Variants in SAMMSON observed in about 807,000 individuals in gnomAD.
SAMMSON encodes the protein survival associated mitochondrial melanoma specific oncogenic non-coding RNA.
intron 3 of SAMMSON, among the ~76,000 whole-genome samples, chr3:70,031,130 G>A (rs1019059909): frequency 1.3e-5 from 2 of 152,024 alleles, no homozygotes; most frequent in African/African-American, 2.4e-5. Context: ...GCCAAAAGGT[G>A]GAAACAACCT....
chr3:70,369,361 A>C (rs1702946612), intron 9 of SAMMSON, among the ~76,000 whole-genome samples: 1 of 151,762 alleles, frequency 6.6e-6, no homozygotes, highest in Non-Finnish European at 1.5e-5. Flanking sequence ...TCAGAAAATC[A>C]AAAAATTCTG....
At chr3:70,009,272 A>AC (rs2066943496) in intron 1 of SAMMSON, 1 of 147,004 alleles carries the variant, frequency 6.8e-6, no homozygotes, top group African/African-American at 2.6e-5. Context: ...CTGGTCCTGG[A>AC]CTTTTTTTGG....
chr3:70,203,421 A>T (rs62254845), intron 4 of SAMMSON, among the ~76,000 whole-genome samples: 31,423 of 152,080 alleles, frequency 0.21, 3,772 homozygotes, highest in Non-Finnish European at 0.28. Flanking sequence ...CTGGGGTATC[A>T]TCCCTGATGT....
intron 4 of SAMMSON, among the ~76,000 whole-genome samples, chr3:70,100,443 C>T (rs975729978): frequency 3.3e-5 from 5 of 151,858 alleles, no homozygotes; most frequent in Admixed American, 1.3e-4. Context: ...CCACCATACC[C>T]GGCCCATCAT....
chr3:70,081,648 G>A (rs1404077202), intron 4 of SAMMSON, among the ~76,000 whole-genome samples: 5 of 152,208 alleles, frequency 3.3e-5, no homozygotes, highest in African/African-American at 1.2e-4. Context: ...TATGGGCTCA[G>A]TATATATTTG....
chr3:70,403,642 T>A (rs1410380300), intron 2 of SAMMSON, among the ~76,000 whole-genome samples: 1 of 152,184 alleles, frequency 6.6e-6, no homozygotes, highest in Non-Finnish European at 1.5e-5. Context: ...AGTTGAGTGA[T>A]TGTGAGAGAC....
chr3:70,203,332 C>T (rs74798629), intron 4 of SAMMSON, among the ~76,000 whole-genome samples: 1 of 152,070 alleles, frequency 6.6e-6, no homozygotes, highest in Non-Finnish European at 1.5e-5. Context: ...GGTTCCCACT[C>T]CCCCACACTG....
intron 3 of SAMMSON, among the ~76,000 whole-genome samples, chr3:70,024,103 C>A (rs1346467656): frequency 6.6e-6 from 1 of 152,170 alleles, no homozygotes; most frequent in Non-Finnish European, 1.5e-5. Context: ...TGGGATTGCA[C>A]TCTCATTATT....
chr3:70,262,157 A>G (rs1387425320), intron 6 of SAMMSON, among the ~76,000 whole-genome samples: 1 of 152,190 alleles, frequency 6.6e-6, no homozygotes, highest in Admixed American at 6.5e-5. Context: ...CTCGGTAACA[A>G]TACTTTCAAT....
intron 7 of SAMMSON, among the ~76,000 whole-genome samples, chr3:70,348,856 G>A (rs946203448): frequency 6.6e-6 from 1 of 152,056 alleles, no homozygotes; most frequent in Non-Finnish European, 1.5e-5. Context: ...TCAGATGAAT[G>A]ATGTGATTCA....
At chr3:70,157,763 C>T (rs2067597512) in intron 4 of SAMMSON, among the ~76,000 whole-genome samples, 1 of 152,070 alleles carries the variant, frequency 6.6e-6, no homozygotes, top group Non-Finnish European at 1.5e-5. Context: ...ATGAACCCTG[C>T]CTCCTTTAAT....
rs4855458 is a variant in SAMMSON, at chr3:70,055,748, C to T, written n.418-15728C>T. 6.0e-3 allele frequency among the ~76,000 whole-genome samples: 911 copies of T among 152,122 alleles called. 43 individuals are homozygous for T. The highest frequency in any genetic ancestry group is 0.054 in the Admixed American group (830 of 15,248). On this transcript the variant is annotated intron_variant and non_coding_transcript_variant, in intron 3 of 9. Transcript: ENST00000642114. ...GTTGGAAAAAGGAGAGATTAATTTC[C>T]CTTTCAATTATTGTCACCTTGTTAC... is the stretch of plus-strand genomic sequence containing the variant.
intron 7 of SAMMSON, among the ~76,000 whole-genome samples, chr3:70,324,817 T>C (rs1702567201): frequency 6.6e-6 from 1 of 151,734 alleles, no homozygotes; most frequent in African/African-American, 2.4e-5. Context: ...GCGTAATGCA[T>C]CATGATATAT....
At chr3:70,110,447 A>AG (rs1405349918) in intron 4 of SAMMSON, among the ~76,000 whole-genome samples, 1 of 152,138 alleles carries the variant, frequency 6.6e-6, no homozygotes, top group African/African-American at 2.4e-5. Context: ...ATAAGGATGT[A>AG]GGGGGGTAGT....
chr3:70,222,486 T>A (rs1701469749), intron 4 of SAMMSON, among the ~76,000 whole-genome samples: 1 of 152,236 alleles, frequency 6.6e-6, no homozygotes, highest in Non-Finnish European at 1.5e-5. Context: ...TTGGATAGGT[T>A]GGTTTTCGGT....
intron 4 of SAMMSON, among the ~76,000 whole-genome samples, chr3:70,095,149 C>CTCAGTT (rs2067318887): frequency 6.6e-6 from 1 of 152,130 alleles, no homozygotes; most frequent in Non-Finnish European, 1.5e-5. Flanking sequence ...GGGTTCAGTC[C>CTCAGTT]TCAGTTTTCC....
chr3:70,222,555 C>T (rs974079011), intron 4 of SAMMSON, among the ~76,000 whole-genome samples: 3 of 152,006 alleles, frequency 2.0e-5, no homozygotes, highest in Non-Finnish European at 1.5e-5. Flanking sequence ...AAATTGAATT[C>T]CAAATAAATT....
intron 4 of SAMMSON, among the ~76,000 whole-genome samples, chr3:70,141,846 G>T (rs886630567): frequency 2.0e-5 from 3 of 152,076 alleles, no homozygotes; most frequent in African/African-American, 7.2e-5. Flanking sequence ...GATAAGTTCT[G>T]CATTAGAGTA....
At chr3:70,364,433 T>G (rs1267697858) in intron 9 of SAMMSON, among the ~76,000 whole-genome samples, 1 of 151,956 alleles carries the variant, frequency 6.6e-6, no homozygotes, top group Non-Finnish European at 1.5e-5. Flanking sequence ...TGTTTTGTTT[T>G]GTGGTTAAAA....
Sources: gnomAD v4.1 joint callset for allele counts (sites outside exome capture counted in the v4.1 genomes callset) on GRCh38, gnomAD v4.1.1 for gene constraint, MANE v1.5 for transcripts, NCBI Gene and HGNC (gene_info 2026-07-23, HGNC 2026-07-21) for gene names.